The following ABI3BP variants were observed in gnomAD, a reference collection of about 807,000 sequenced individuals.
ABI3BP encodes the protein target of Nesh-SH3.
Under a neutral mutation model 268.6 loss-of-function variants are expected in ABI3BP, and 216 were observed. The observed-to-expected ratio is 0.80, with a 90% CI of 0.72 to 0.90. The LOEUF is 0.90. Among genes scored for constraint, ABI3BP ranks in the 40% least tolerant of loss-of-function variants. The probability of loss-of-function intolerance (pLI) is 0.00; values close to 1 mark genes in which losing one functional copy is unlikely to be tolerated. For synonymous variants in ABI3BP, 730 were observed against 730.0 expected, an observed-to-expected ratio of 1.00 and a Z score of 0.00; for missense variants, 2,090 against 2,182.4, an observed-to-expected ratio of 0.96 and a Z score of 0.84.
chr3:100,790,764 C>A (rs1375396858), intron 55 of ABI3BP, among the ~76,000 whole-genome samples: 2 of 151,844 alleles, frequency 1.3e-5, no homozygotes, highest in Non-Finnish European at 2.9e-5. Context: ...TAGCCTATTT[C>A]TTCTTTCCAC....
chr3:100,764,606 G>A (rs994093071), intron 63 of ABI3BP, among the ~76,000 whole-genome samples: 1 of 152,134 alleles, frequency 6.6e-6, no homozygotes, highest in Admixed American at 6.5e-5. Flanking sequence ...TGACTGTCTT[G>A]TACTTTACAA....
rs542130469 is a variant in ABI3BP at position 100,944,928 on chromosome 3, A to C, written c.80-18447T>G. On this transcript the variant is annotated intron_variant, in intron 1 of 67. Transcript: ENST00000471714. ...ATTTGCTCTCAACTCCACTGTGGGC[A>C]TCTCATATTATTAATAACATGTTGT... Among the ~76,000 whole-genome samples, 5 of 152,298 alleles carry C rather than the reference A, an allele frequency of 3.3e-5. No individual in the cohort carries two copies. The South Asian group carries it at 1.0e-3, about 32-fold the overall frequency.
intron 63 of ABI3BP, among the ~76,000 whole-genome samples, chr3:100,758,865 C>T (rs1344296514): frequency 1.3e-5 from 2 of 152,170 alleles, no homozygotes; most frequent in Admixed American, 6.5e-5. Context: ...CAAGAACCTC[C>T]AACCTGTAGG....
At chr3:100,788,540 A>G (rs1463315250) in intron 56 of ABI3BP, among the ~76,000 whole-genome samples, 1 of 152,032 alleles carries the variant, frequency 6.6e-6, no homozygotes, top group East Asian at 1.9e-4. Context: ...CTCGGTCATT[A>G]TTAGCCATGA....
chr3:100,807,956 G>A (rs1040058022), intron 50 of ABI3BP, among the ~76,000 whole-genome samples: 8 of 151,942 alleles, frequency 5.3e-5, no homozygotes, highest in Admixed American at 1.3e-4. Context: ...AACATTAAGG[G>A]AAGCTTTGTG....
intron 38 of ABI3BP, 63 bp downstream of exon 38, chr3:100,822,526 T>A (rs941424951): frequency 4.2e-6 from 6 of 1,439,456 alleles, no homozygotes; most frequent in Non-Finnish European, 4.7e-6. Flanking sequence ...CCACTGGGAT[T>A]ACTCTTGAGA....
chr3:100,762,651 T>G (rs1270665633), intron 63 of ABI3BP, among the ~76,000 whole-genome samples: 1 of 152,216 alleles, frequency 6.6e-6, no homozygotes, highest in Non-Finnish European at 1.5e-5. Flanking sequence ...CATAATTCAT[T>G]ATTTTTTCTA....
At chr3:100,960,936 T>C (rs942574607) in intron 1 of ABI3BP, among the ~76,000 whole-genome samples, 2 of 152,232 alleles carry the variant, frequency 1.3e-5, no homozygotes, top group Non-Finnish European at 2.9e-5. Context: ...CATTTCAGTC[T>C]TGTAAGACTT....
At chr3:100,952,586 A>T (rs2075456630) in intron 1 of ABI3BP, 1 of 152,194 alleles carries the variant, frequency 6.6e-6, no homozygotes, top group Non-Finnish European at 1.5e-5. Flanking sequence ...TTTCATTTAA[A>T]TTAAAAGAAG....
rs138039123 is a variant in ABI3BP, at chr3:100,912,176, G to A, written c.260-9490C>T. The A allele has an allele frequency of 1.3e-3, 396 of 305,034 alleles. 2 individuals carry two copies. Among genetic ancestry groups the A allele is most frequent in the African/African-American group, 8.0e-3 (355 of 44,578 alleles). The allele number at this position is 305,034 out of a possible 1,614,324, so 18.9% of individuals were successfully genotyped here. The stretch of plus-strand genomic sequence containing the variant: ...CCAAGAACACCTGCTCTTACCCTTC[G>A]TGCTGCCGTCGGCTCAGGCTTCAGG... On this transcript the variant is annotated intron_variant, in intron 2 of 67. Coordinates refer to ENST00000471714, the MANE Select transcript of ABI3BP (RefSeq NM_001375547.2).
intron 6 of ABI3BP, among the ~76,000 whole-genome samples, chr3:100,884,919 G>C (rs982473629): frequency 3.9e-5 from 6 of 152,062 alleles, no homozygotes; most frequent in African/African-American, 1.4e-4. Context: ...CATCCCAGGT[G>C]GGGTGGTATA....
chr3:100,813,323 A>G (rs2097911437), intron 45 of ABI3BP, among the ~76,000 whole-genome samples: 1 of 152,182 alleles, frequency 6.6e-6, no homozygotes, highest in Non-Finnish European at 1.5e-5. Context: ...AATTTAATTT[A>G]CTATTAAAGA....
At chr3:100,926,566 G>C (rs937035894) in intron 1 of ABI3BP, 85 bp from the exon 2 acceptor site, 1 of 1,274,502 alleles carries the variant, frequency 7.8e-7, no homozygotes, top group Non-Finnish European at 1.1e-6. Flanking sequence ...TTGGTGGCTA[G>C]AGGCATTGTT....
chr3:100,980,439 T>C (rs2153949439), intron 1 of ABI3BP, among the ~76,000 whole-genome samples: 1 of 152,300 alleles, frequency 6.6e-6, no homozygotes, highest in Non-Finnish European at 1.5e-5. Context: ...CACCTGGATT[T>C]GGAAAGCTCA....
chr3:100,825,050 GT>G, intron 35 of ABI3BP, 109 bp from the exon 36 acceptor site: 1 of 885,880 alleles, frequency 1.1e-6, no homozygotes, highest in Non-Finnish European at 1.7e-6. Flanking sequence ...AACTTTAGTT[GT>G]TTTTAGTTTT....
chr3:100,830,398 C>T (rs74855982), intron 32 of ABI3BP, among the ~76,000 whole-genome samples, 180 bp downstream of exon 32: 9,797 of 151,656 alleles, frequency 0.065, 586 homozygotes, highest in African/African-American at 0.15. Context: ...CCTAAGTTCA[C>T]GCTTGGCTCT....
chr3:100,850,214 G>A (rs2098822179), intron 16 of ABI3BP, 95 bp from the exon 17 acceptor site: 8 of 1,033,052 alleles, frequency 7.7e-6, no homozygotes, highest in Non-Finnish European at 1.2e-5. Context: ...TAAAGCACAT[G>A]CCACGAGTAC....
intron 51 of ABI3BP, among the ~76,000 whole-genome samples, chr3:100,804,158 A>G (rs2097622595): frequency 6.6e-6 from 1 of 152,200 alleles, no homozygotes; most frequent in Admixed American, 6.6e-5. Flanking sequence ...TGAAGACTTC[A>G]TGTAAATAGT....
intron 2 of ABI3BP, among the ~76,000 whole-genome samples, chr3:100,907,470 G>C (rs2053954907): frequency 6.6e-6 from 1 of 152,130 alleles, no homozygotes; most frequent in South Asian, 2.1e-4. Context: ...CTTCAGCCTG[G>C]GTGACAGTGA....
Sources: gnomAD v4.1 joint callset for allele counts (sites outside exome capture counted in the v4.1 genomes callset) on GRCh38, gnomAD v4.1.1 for gene constraint, MANE v1.5 for transcripts, NCBI Gene and HGNC (gene_info 2026-07-23, HGNC 2026-07-21) for gene names.